Variants in CPTP observed in about 807,000 individuals in gnomAD.
The protein encoded by CPTP is GLTP domain-containing protein 1.
A neutral mutation model predicts 5.7 loss-of-function variants in CPTP; 5 were observed. The ratio of observed to expected loss-of-function variants is 0.88; its 90% CI spans 0.46 to 1.86. CPTP has a LOEUF of 1.86. Ranked by LOEUF, CPTP falls within the 40% of genes most tolerant of loss-of-function variation. The pLI, the probability that CPTP is intolerant of heterozygous loss-of-function variation, is 0.01. For synonymous variants in CPTP, 166 were observed against 142.7 expected (o/e 1.16, Z -1.16); for missense variants, 335 against 306.5 (o/e 1.09, Z -0.69).
chr1:1,327,874 C>A lies in CPTP; in HGVS notation c.*111C>A. On this transcript the variant is annotated 3_prime_UTR_variant, in exon 3 of 3. Coordinates refer to ENST00000343938, the MANE Select transcript of CPTP (RefSeq NM_001029885.2). ...CTGGGCGCTGCGGGAACAGGAGATC[C>A]TCTGTCGCCCCTGTGAGCTGAGCTG... The A allele has an allele frequency of 8.1e-7, 1 of 1,236,560 alleles. No homozygotes were observed. The highest frequency in any genetic ancestry group is 2.2e-5 in the Admixed American group (1 of 46,324). The allele number at this position is 1,236,560 out of a possible 1,614,324, so 76.6% of individuals were successfully genotyped here.
At position 1,327,045 on chromosome 1, in the gene CPTP, G is replaced by C. The variant is rs1360066123; in HGVS notation, c.122+13G>C. The C allele has an allele frequency of 6.2e-7, 1 of 1,612,588 alleles. No homozygotes were observed. Among genetic ancestry groups the C allele is most frequent in the South Asian group, 1.1e-5 (1 of 91,072 alleles). On this transcript the variant is annotated intron_variant, in intron 2 of 2. Transcript: ENST00000343938. Reference sequence around the variant, plus strand: ...AGGGCCTGGTCAGGTGCGTGTGCCAGGGCTGCCTCCTGAGGTGGGCGCTCC... The same window carrying C: ...AGGGCCTGGTCAGGTGCGTGTGCCACGGCTGCCTCCTGAGGTGGGCGCTCC...
At position 1,326,849 on chromosome 1, in the gene CPTP, G is replaced by A. The variant is rs1643318956; in HGVS notation, c.-62G>A. On this transcript the variant is annotated 5_prime_UTR_variant, in exon 2 of 3. Coordinates refer to ENST00000343938, the MANE Select transcript of CPTP (RefSeq NM_001029885.2). Reference sequence around the variant, plus strand: ...CTCCACACACAGAAAATGAGCCACAGAGCAAGCTGACCCCAGCGACACAGC... The same window carrying A: ...CTCCACACACAGAAAATGAGCCACAAAGCAAGCTGACCCCAGCGACACAGC... 1.9e-6 allele frequency: 3 copies of A among 1,608,362 alleles called. No homozygotes were observed. The highest frequency in any genetic ancestry group is 1.7e-5 in the Admixed American group (1 of 59,904).
At chr1:1,327,215 G>A (rs778402654) in intron 2 of CPTP, 26 bp from the exon 3 acceptor site, 1 of 1,591,788 alleles carries the variant, frequency 6.3e-7, no homozygotes, top group Middle Eastern at 1.7e-4. Context: ...CCTGGGCGAG[G>A]ACTCGAGCCC....
In CPTP at chr1:1,328,081, A is replaced by G. The variant is rs1486914077; in HGVS notation, c.*318A>G. The G allele has an allele frequency of 6.8e-6, 3 of 438,152 alleles. No individual in the cohort carries two copies. The highest frequency in any genetic ancestry group is 2.1e-5 in the African/African-American group (1 of 48,574). The allele number at this position is 438,152 out of a possible 1,614,324, so 27.1% of individuals were successfully genotyped here. On this transcript the variant is annotated 3_prime_UTR_variant, in exon 3 of 3. Coordinates refer to ENST00000343938, the MANE Select transcript of CPTP (RefSeq NM_001029885.2). ...GGCAGGGGTGGGGGCCGGGCCTGCA[A>G]GAGCCCGAAAGGTCGCCACCCCCTA...
intron 1 of CPTP, among the ~76,000 whole-genome samples, chr1:1,326,396 A>T (rs140328025): frequency 6.7e-6 from 1 of 149,176 alleles, no homozygotes; most frequent in Non-Finnish European, 1.5e-5. Context: ...TTGTCATCTG[A>T]CCCCACCCCA....
At chr1:1,326,423 C>T (rs897686443) in intron 1 of CPTP, among the ~76,000 whole-genome samples, 1 of 152,192 alleles carries the variant, frequency 6.6e-6, no homozygotes, top group African/African-American at 2.4e-5. Flanking sequence ...TGCTCGCACT[C>T]CCCATGCACC....
chr1:1,327,386 C>T lies in CPTP; in HGVS notation c.268C>T (p.Arg90Trp), dbSNP rs758844746. 29 of 1,597,220 alleles carry T rather than the reference C, an allele frequency of 1.8e-5. No homozygotes were observed. Among genetic ancestry groups the T allele is most frequent in the South Asian group, 1.5e-4 (14 of 90,778 alleles). Reference protein sequence around the residue: ...QAMVAHELSNRLVDLERRSHH... With the variant: ...QAMVAHELSNWLVDLERRSHH... ...CATGGTGGCCCACGAGCTGAGCAAC[C>T]GGCTGGTGGACCTGGAGCGCCGCTC... The change falls in exon 3 of 3, where the codon CGG becomes TGG. Residue 90 changes from arginine (R) to tryptophan (W), a missense_variant. Arg to Trp is a moderately radical substitution (Grantham distance 101, BLOSUM62 -3). Coordinates refer to ENST00000343938, the MANE Select transcript of CPTP (RefSeq NM_001029885.2).
In CPTP at chr1:1,327,665, G is replaced by A. The variant is rs1325913093; in HGVS notation, c.547G>A (p.Ala183Thr). The A allele has an allele frequency of 6.2e-7, 1 of 1,612,652 alleles. No homozygotes were observed. Among genetic ancestry groups the A allele is most frequent in the African/African-American group, 1.3e-5 (1 of 74,948 alleles). The change falls in exon 3 of 3, where the codon GCC (alanine) becomes ACC (threonine). Residue 183 changes from alanine (A) to threonine (T), a missense_variant. Physicochemically the swap from Ala to Thr is moderately conservative, Grantham distance 58 (BLOSUM62 0). Transcript: ENST00000343938. ...CATGAACGTGGGGCCCCCGGAGCAG[G>A]CCGTGCAGATGCTAGGCGAGGCCCT... ...EAMNVGPPEQ[A>T]VQMLGEALPF...
At position 1,327,508 on chromosome 1, in the gene CPTP, G is replaced by A. The variant is rs912783939; in HGVS notation, c.390G>A (p.Glu130=). 6.3e-7 allele frequency: 1 copy of A among 1,576,356 alleles called. No individual in the cohort carries two copies. The highest frequency in any genetic ancestry group is 8.6e-7 in the Non-Finnish European group (1 of 1,164,884). ...TGGAGGGCCTGCGTACCAGCCCCGA[G>A]GACGCACGCACCTCCGCGCTCTGCG... is the stretch of plus-strand genomic sequence containing the variant. ...LFLEGLRTSP[E]DARTSALCAD... Residue 130 remains glutamate (E), a synonymous_variant, in exon 3 of 3, where the codon GAG becomes GAA. Coordinates refer to ENST00000343938, the MANE Select transcript of CPTP (RefSeq NM_001029885.2).
Position 1,326,966 on chromosome 1 carries a change from AGT to A in CPTP, c.59_60del (p.Cys20SerfsTer3), listed in dbSNP as rs765744145. 1 of 1,613,788 alleles carries A rather than the reference AGT, an allele frequency of 6.2e-7. No individual in the cohort carries two copies. The highest frequency in any genetic ancestry group is 1.1e-5 in the South Asian group (1 of 91,086). On this transcript the variant is annotated frameshift_variant, in exon 2 of 3. Transcript: ENST00000343938. LOFTEE classifies it high-confidence loss of function. ...AAAGTCGTCCTGGTCAGTTTCAAGC[AGT>A]GTCTCGATGAGAAGGAAGAGGTCTT...
At chr1:1,326,196 A>T (rs933274129) in intron 1 of CPTP, among the ~76,000 whole-genome samples, 4 of 152,260 alleles carry the variant, frequency 2.6e-5, no homozygotes. Flanking sequence ...TTTCAGCAAC[A>T]GGAGTGAAAA....
chr1:1,326,709 T>C, intron 1 of CPTP, 127 bp from the exon 2 acceptor site: 1 of 601,348 alleles, frequency 1.7e-6, no homozygotes, highest in East Asian at 3.1e-5. Flanking sequence ...CAGGGTGGTG[T>C]GCCTGAGAGC....
At chr1:1,325,446 C>G (rs546513761) in intron 1 of CPTP, 24 of 152,428 alleles carry the variant, frequency 1.6e-4, no homozygotes, top group African/African-American at 4.6e-4. Flanking sequence ...CGCAGAATAT[C>G]TGGTGACCAA....
chr1:1,327,505 C>T lies in CPTP; in HGVS notation c.387C>T (p.Pro129=), dbSNP rs372828294. The T allele has an allele frequency of 1.5e-5, 23 of 1,574,276 alleles. No individual in the cohort carries two copies. Among genetic ancestry groups the T allele is most frequent in the African/African-American group, 2.7e-5 (2 of 74,154 alleles). The change falls in exon 3 of 3, where the codon CCC becomes CCT. Residue 129 remains proline (P), a synonymous_variant. Coordinates refer to ENST00000343938, the MANE Select transcript of CPTP (RefSeq NM_001029885.2). ...TCCTGGAGGGCCTGCGTACCAGCCC[C>T]GAGGACGCACGCACCTCCGCGCTCT... ...QLFLEGLRTS[P]EDARTSALCA...
In CPTP at chr1:1,327,751, G is replaced by A. The variant is rs1165958120; in HGVS notation, c.633G>A (p.Leu211=). 3 of 1,611,906 alleles carry A rather than the reference G, an allele frequency of 1.9e-6. No individual in the cohort carries two copies. Among genetic ancestry groups the A allele is most frequent in the Admixed American group, 1.7e-5 (1 of 59,992 alleles). ...SQKLYAEHSL[L]DLP The stretch of plus-strand genomic sequence containing the variant: ...AGCTCTACGCCGAGCACTCCCTGCT[G>A]GACCTGCCCTAGGGGCGGGAAGCCA... The change falls in exon 3 of 3, where the codon CTG becomes CTA. Residue 211 remains leucine (L), a synonymous_variant. Transcript: ENST00000343938.
At chr1:1,326,711 C>A in intron 1 of CPTP, 125 bp from the exon 2 acceptor site, 3 of 613,458 alleles carry the variant, frequency 4.9e-6, no homozygotes, top group Non-Finnish European at 8.4e-6. Context: ...GGGTGGTGTG[C>A]CTGAGAGCCT....
At position 1,324,902 on chromosome 1, in the gene CPTP, G is replaced by C; in HGVS notation, c.-276G>C. 1 of 384,268 alleles carries C rather than the reference G, an allele frequency of 2.6e-6. No individual in the cohort carries two copies. The highest frequency in any genetic ancestry group is 4.6e-6 in the Non-Finnish European group (1 of 215,202). The allele number at this position is 384,268 out of a possible 1,614,324, so 23.8% of individuals were successfully genotyped here. On this transcript the variant is annotated 5_prime_UTR_variant, in exon 1 of 3. Coordinates refer to ENST00000343938, the MANE Select transcript of CPTP (RefSeq NM_001029885.2). ...GGTCCGGAAGTCGCCGAGGGGCCGG[G>C]AGCGGGAGGGGACGTCGTCCTAGAG...
rs370459639 is a variant in CPTP, at chr1:1,327,373, C to G, written c.255C>G (p.His85Gln). The change falls in exon 3 of 3, where the codon CAC (histidine) becomes CAG (glutamine). Residue 85 changes from histidine to glutamine, a missense_variant. Coordinates refer to ENST00000343938, the MANE Select transcript of CPTP (RefSeq NM_001029885.2). ...HYRSLQAMVAHELSNRLVDLE... is the reference protein window; with the variant it reads ...HYRSLQAMVAQELSNRLVDLE... ...GCAGCCTGCAGGCCATGGTGGCCCA[C>G]GAGCTGAGCAACCGGCTGGTGGACC... 1 of 1,597,946 alleles carries G rather than the reference C, an allele frequency of 6.3e-7. No homozygotes were observed. The highest frequency in any genetic ancestry group is 8.5e-7 in the Non-Finnish European group (1 of 1,178,670).
chr1:1,327,857 T>C lies in CPTP; in HGVS notation c.*94T>C, dbSNP rs999430801. 1.9e-5 allele frequency: 27 copies of C among 1,386,616 alleles called. No individual in the cohort carries two copies. Among genetic ancestry groups the C allele is most frequent in the East Asian group, 1.4e-4 (6 of 43,590 alleles). The allele number at this position is 1,386,616 out of a possible 1,614,324, so 85.9% of individuals were successfully genotyped here. ...TCCCGTGGCAGAGCCTTCTGGGCGC[T>C]GCGGGAACAGGAGATCCTCTGTCGC... is the stretch of plus-strand genomic sequence containing the variant. On this transcript the variant is annotated 3_prime_UTR_variant, in exon 3 of 3. Transcript: ENST00000343938.
Sources: allele counts gnomAD v4.1 joint callset (sites outside exome capture counted in the v4.1 genomes callset), GRCh38; gene constraint gnomAD v4.1.1; transcripts MANE v1.5; gene names NCBI Gene and HGNC (gene_info 2026-07-23, HGNC 2026-07-21).